Variants in IARS2 observed in about 807,000 individuals in gnomAD.
The protein encoded by IARS2 is isoleucine--tRNA ligase, mitochondrial.
IARS2 carries 56 observed loss-of-function variants against 126.3 expected under a neutral mutation model. That is an observed-to-expected ratio of 0.44 (90% CI 0.36 to 0.55). The LOEUF (loss-of-function observed/expected upper bound fraction) is 0.55, where lower values mean the gene tolerates loss of function less well. Ranked by LOEUF, IARS2 falls within the 20% of genes least tolerant of loss-of-function variation. IARS2 has a pLI of 0.00. For missense variants in IARS2, 1,127 were observed against 1,245.9 expected (o/e 0.90, Z 1.44); for synonymous variants, 407 against 441.1 (o/e 0.92, Z 0.97).
At chr1:220,124,883 G>C (rs1657121301) in intron 12 of IARS2, among the ~76,000 whole-genome samples, 1 of 152,218 alleles carries the variant, frequency 6.6e-6, no homozygotes. Flanking sequence ...GACTGATACA[G>C]TGTCAGTGGG....
chr1:220,122,659 A>G (rs1032357952), intron 12 of IARS2, among the ~76,000 whole-genome samples: 4 of 152,238 alleles, frequency 2.6e-5, no homozygotes, highest in South Asian at 2.1e-4. Flanking sequence ...TGTGAATCCA[A>G]TTAGCAAGTG....
chr1:220,111,317 C>G (rs1419920959), intron 11 of IARS2, among the ~76,000 whole-genome samples: 1 of 151,990 alleles, frequency 6.6e-6, no homozygotes, highest in Non-Finnish European at 1.5e-5. Flanking sequence ...TAAGGAAATT[C>G]GAGTTTCCAG....
chr1:220,125,432 G>A (rs1331018213), intron 13 of IARS2, 93 bp downstream of exon 13: 2 of 749,008 alleles, frequency 2.7e-6, no homozygotes, highest in African/African-American at 1.8e-5. Context: ...ATTATCTTAT[G>A]TAAAGTTAAC....
chr1:220,102,751 A>G lies in IARS2; in HGVS notation c.924A>G (p.Glu308=). The G allele has an allele frequency of 6.2e-7, 1 of 1,613,102 alleles. No homozygotes were observed. The highest frequency in any genetic ancestry group is 8.5e-7 in the Non-Finnish European group (1 of 1,179,134). ...AACCTTGGACGATTCCAGCCAATGA[A>G]GCTGTTTGCTATATGCCTGAATCAA... ...TTQPWTIPAN[E]AVCYMPESKY... The change falls in exon 7 of 23, where the codon GAA becomes GAG. Residue 308 remains glutamate, a synonymous_variant. Transcript: ENST00000366922.
Position 220,138,055 on chromosome 1 carries a change from T to A in IARS2, c.2175+12T>A. On this transcript the variant is annotated intron_variant, in intron 17 of 22. Coordinates refer to ENST00000366922, the MANE Select transcript of IARS2 (RefSeq NM_018060.4). ...ATGATATTAGCAAGGTTAGAACTATTATTCTTCCTATTTCTAAAGGACAAG... is the reference window on the plus strand; with the variant it reads ...ATGATATTAGCAAGGTTAGAACTATAATTCTTCCTATTTCTAAAGGACAAG... The A allele has an allele frequency of 1.2e-6, 2 of 1,612,094 alleles. No individual in the cohort carries two copies. The highest frequency in any genetic ancestry group is 1.7e-6 in the Non-Finnish European group (2 of 1,178,658).
chr1:220,129,919 A>T (rs1012580140), intron 14 of IARS2, among the ~76,000 whole-genome samples: 1 of 152,130 alleles, frequency 6.6e-6, no homozygotes, highest in African/African-American at 2.4e-5. Context: ...TAGTTTTTTG[A>T]AAAGAAACCT....
chr1:220,102,735 C>T lies in IARS2; in HGVS notation c.908C>T (p.Thr303Met), dbSNP rs779341602. The T allele has an allele frequency of 1.5e-5, 25 of 1,613,508 alleles. No individual in the cohort carries two copies. Among genetic ancestry groups the T allele is most frequent in the South Asian group, 3.3e-5 (3 of 91,078 alleles). The part of the protein sequence containing the change: ...SILVWTTQPW[T>M]IPANEAVCYM... Reference sequence around the variant, plus strand: ...TTGGTCTGGACCACACAACCTTGGACGATTCCAGCCAATGAAGCTGTTTGC... The same window carrying T: ...TTGGTCTGGACCACACAACCTTGGATGATTCCAGCCAATGAAGCTGTTTGC... The change falls in exon 7 of 23, where the codon ACG becomes ATG. Residue 303 changes from threonine (T) to methionine (M), a missense_variant. Transcript: ENST00000366922.
chr1:220,103,356 T>C (rs1434829934), intron 7 of IARS2, 91 bp from the exon 8 acceptor site: 3 of 861,942 alleles, frequency 3.5e-6, no homozygotes, highest in Admixed American at 2.2e-5. Context: ...CTGAAGTCAG[T>C]TTTTTCTAAA....
At chr1:220,107,761 C>A (rs1656711632) in intron 10 of IARS2, among the ~76,000 whole-genome samples, 1 of 152,164 alleles carries the variant, frequency 6.6e-6, no homozygotes, top group Admixed American at 6.5e-5. Flanking sequence ...CTGGCAGGAC[C>A]ATGTTTTCCT....
At chr1:220,126,974 C>A in intron 14 of IARS2, 131 bp downstream of exon 14, 1 of 617,158 alleles carries the variant, frequency 1.6e-6, no homozygotes, top group Non-Finnish European at 2.8e-6. Context: ...TTTTAGACCT[C>A]GAAAGACCCT....
intron 16 of IARS2, among the ~76,000 whole-genome samples, chr1:220,137,287 T>C (rs1657396497): frequency 6.6e-6 from 1 of 152,152 alleles, no homozygotes; most frequent in Non-Finnish European, 1.5e-5. Flanking sequence ...ATATGTAAAG[T>C]GTGATTGTGT....
chr1:220,118,466 T>C (rs921874627), intron 12 of IARS2, among the ~76,000 whole-genome samples: 2 of 152,130 alleles, frequency 1.3e-5, no homozygotes, highest in African/African-American at 4.8e-5. Context: ...CTGACTTTAC[T>C]GTCATTGGTC....
chr1:220,125,873 G>A (rs1353928065), intron 13 of IARS2, among the ~76,000 whole-genome samples: 1 of 151,976 alleles, frequency 6.6e-6, no homozygotes, highest in Non-Finnish European at 1.5e-5. Context: ...TTGGGAGGCC[G>A]AGGCGGGCAG....
intron 17 of IARS2, 89 bp from the exon 18 acceptor site, chr1:220,138,919 A>G: frequency 1.7e-6 from 2 of 1,206,098 alleles, no homozygotes; most frequent in Non-Finnish European, 2.3e-6. Context: ...TAAGAAAATG[A>G]CAAGAGTTAG....
At chr1:220,129,559 A>G (rs1463126460) in intron 14 of IARS2, among the ~76,000 whole-genome samples, 1 of 152,138 alleles carries the variant, frequency 6.6e-6, no homozygotes, top group Non-Finnish European at 1.5e-5. Context: ...TTCTACCTCC[A>G]TAAGATCAAC....
intron 19 of IARS2, 121 bp from the exon 20 acceptor site, chr1:220,141,682 A>G (rs1235993651): frequency 2.1e-6 from 2 of 952,274 alleles, no homozygotes; most frequent in Non-Finnish European, 3.2e-6. Flanking sequence ...TTCTTTAAGT[A>G]GAAGATGATT....
At chr1:220,117,533 C>G (rs531824919) in intron 12 of IARS2, among the ~76,000 whole-genome samples, 1 of 151,902 alleles carries the variant, frequency 6.6e-6, no homozygotes, top group Non-Finnish European at 1.5e-5. Flanking sequence ...AGCAAGATGT[C>G]TAGGGAATTT....
rs1221041831 is a variant in IARS2 at position 220,147,978 on chromosome 1, A to AATC, written c.*347_*349dup. ...AGCAGAAAATGTTTTATATTTTATA[A>AATC]ATCATCTTTTGACTCTGTATTTAAA... On this transcript the variant is annotated 3_prime_UTR_variant, in exon 23 of 23. Coordinates refer to ENST00000366922, the MANE Select transcript of IARS2 (RefSeq NM_018060.4). 2.0e-5 allele frequency: 8 copies of AATC among 392,386 alleles called. No homozygotes were observed. Among genetic ancestry groups the AATC allele is most frequent in the Admixed American group, 1.3e-4 (3 of 22,830 alleles). The allele number at this position is 392,386 out of a possible 1,614,324, so 24.3% of individuals were successfully genotyped here.
intron 11 of IARS2, among the ~76,000 whole-genome samples, chr1:220,113,698 GC>G (rs1201077062): frequency 6.7e-6 from 1 of 148,694 alleles, no homozygotes; most frequent in Non-Finnish European, 1.5e-5. Flanking sequence ...AGGTTGGAGT[GC>G]ACTGCCATGC....
Sources: gnomAD v4.1 joint callset for allele counts (sites outside exome capture counted in the v4.1 genomes callset) on GRCh38, gnomAD v4.1.1 for gene constraint, MANE v1.5 for transcripts, NCBI Gene and HGNC (gene_info 2026-07-23, HGNC 2026-07-21) for gene names.